The following GREM2 variants were observed in gnomAD, a reference collection of about 807,000 sequenced individuals.
The protein encoded by GREM2 is gremlin-2.
GREM2 carries 11 observed loss-of-function variants against 14.2 expected under a neutral mutation model. That is an observed-to-expected ratio of 0.78 (90% CI 0.49 to 1.28). The LOEUF (loss-of-function observed/expected upper bound fraction) is 1.28, where lower values mean the gene tolerates loss of function less well. GREM2 is among the 50% of genes most tolerant of loss of function. The pLI is 0.00. For missense variants in GREM2, 210 were observed against 218.5 expected, an observed-to-expected ratio of 0.96 and a Z score of 0.24; for synonymous variants, 98 against 97.6, an observed-to-expected ratio of 1.00 and a Z score of -0.02.
intron 1 of GREM2, among the ~76,000 whole-genome samples, chr1:240,592,549 T>C (rs905120714): frequency 6.6e-6 from 1 of 152,212 alleles, no homozygotes; most frequent in African/African-American, 2.4e-5. Context: ...CTTGACTGGA[T>C]GTTTAACACA....
chr1:240,515,780 T>C (rs958401274), intron 1 of GREM2, among the ~76,000 whole-genome samples: 4 of 152,198 alleles, frequency 2.6e-5, no homozygotes, highest in African/African-American at 9.6e-5. Flanking sequence ...ATCTTTTGTC[T>C]GAGGGAAACA....
chr1:240,560,840 C>T (rs1489028595), intron 1 of GREM2, among the ~76,000 whole-genome samples: 2 of 152,090 alleles, frequency 1.3e-5, no homozygotes, highest in African/African-American at 4.8e-5. Flanking sequence ...TCATCTGGCT[C>T]CTTATAAATA....
intron 1 of GREM2, among the ~76,000 whole-genome samples, chr1:240,525,627 C>A (rs1382101548): frequency 2.0e-4 from 31 of 151,992 alleles, no homozygotes. Flanking sequence ...TCCAGGTGTG[C>A]ACCACCACAC....
In GREM2 at chr1:240,542,636, A is replaced by T. The variant is rs1572390579; in HGVS notation, c.-1-49160T>A. On this transcript the variant is annotated intron_variant, in intron 1 of 1. Coordinates refer to ENST00000318160, the MANE Select transcript of GREM2 (RefSeq NM_022469.4). This position sits in a 1 kb window ranked among gnomAD's most constrained non-coding sequence, Gnocchi z 4.1. The stretch of plus-strand genomic sequence containing the variant: ...CTCAAAAATAAATAAATAAATAAAT[A>T]AATAAAAATTTCTAAAGAGCTGATA... 6.6e-6 allele frequency among the ~76,000 whole-genome samples: 1 copy of T among 151,796 alleles called. No individual in the cohort carries two copies. The highest frequency in any genetic ancestry group is 1.5e-5 in the Non-Finnish European group (1 of 67,968).
chr1:240,584,449 C>G (rs1257299623), intron 1 of GREM2, among the ~76,000 whole-genome samples: 3 of 132,390 alleles, frequency 2.3e-5, no homozygotes, highest in Non-Finnish European at 1.5e-5. Context: ...GAGCTGAGAT[C>G]AAGCCACTGG....
intron 1 of GREM2, among the ~76,000 whole-genome samples, chr1:240,591,338 G>A (rs1317188009): frequency 2.0e-5 from 3 of 152,172 alleles, no homozygotes; most frequent in South Asian, 2.1e-4. Context: ...CTCAATAAAC[G>A]CTTGTTGAAG....
intron 1 of GREM2, among the ~76,000 whole-genome samples, chr1:240,509,685 A>C (rs986446410): frequency 3.0e-4 from 45 of 151,784 alleles, no homozygotes; most frequent in African/African-American, 1.0e-3. Context: ...GACTCTTATG[A>C]CCTCCCTGCC....
At chr1:240,556,498 T>C (rs1678953793) in intron 1 of GREM2, among the ~76,000 whole-genome samples, 1 of 152,028 alleles carries the variant, frequency 6.6e-6, no homozygotes, top group Admixed American at 6.6e-5. Flanking sequence ...CTACCAGGCA[T>C]CAATCAGCAA....
intron 1 of GREM2, among the ~76,000 whole-genome samples, chr1:240,519,815 T>G (rs1430020145): frequency 6.6e-6 from 1 of 152,142 alleles, no homozygotes; most frequent in Non-Finnish European, 1.5e-5. Context: ...GAGCGGTGGC[T>G]CACGCCTGTA....
At chr1:240,600,204 G>T (rs560203499) in intron 1 of GREM2, among the ~76,000 whole-genome samples, 2 of 127,792 alleles carry the variant, frequency 1.6e-5, no homozygotes, top group Non-Finnish European at 3.2e-5. Flanking sequence ...TTGGGCTATC[G>T]CTTCCTTATG....
intron 1 of GREM2, among the ~76,000 whole-genome samples, chr1:240,544,730 T>C (rs1390879814): frequency 1.3e-5 from 2 of 152,188 alleles, no homozygotes; most frequent in African/African-American, 4.8e-5. Context: ...TTTCAAAATA[T>C]GTGTTTTTAG....
chr1:240,594,848 A>G (rs1679789987), intron 1 of GREM2, among the ~76,000 whole-genome samples: 1 of 152,108 alleles, frequency 6.6e-6, no homozygotes. Context: ...CACCTTGCCT[A>G]TATGGTATAG....
chr1:240,548,004 G>A (rs1220490333), intron 1 of GREM2, among the ~76,000 whole-genome samples: 1 of 151,994 alleles, frequency 6.6e-6, no homozygotes, highest in East Asian at 1.9e-4. Context: ...GCTCACACCT[G>A]TAATCCCAAC....
intron 1 of GREM2, among the ~76,000 whole-genome samples, chr1:240,513,963 T>G (rs1677893320): frequency 1.1e-5 from 1 of 91,958 alleles, no homozygotes; most frequent in Non-Finnish European, 1.9e-5. Flanking sequence ...GTTTCAGAAA[T>G]AGTCCGGTGC....
chr1:240,560,432 C>T (rs552196278), intron 1 of GREM2, among the ~76,000 whole-genome samples: 2 of 152,166 alleles, frequency 1.3e-5, no homozygotes, highest in African/African-American at 4.8e-5. Context: ...ACTGTAAGCT[C>T]CTTGAGAGAG....
chr1:240,588,473 G>C (rs1176235914), intron 1 of GREM2: 1 of 152,252 alleles, frequency 6.6e-6, no homozygotes, highest in African/African-American at 2.4e-5. Flanking sequence ...ACTTCATCCA[G>C]TCATCATATG....
intron 1 of GREM2, among the ~76,000 whole-genome samples, chr1:240,533,390 A>G (rs1224062001): frequency 6.6e-6 from 1 of 152,216 alleles, no homozygotes; most frequent in Non-Finnish European, 1.5e-5. Flanking sequence ...AAAGCACACA[A>G]GGCATGATAA....
chr1:240,597,090 A>C (rs1679833164), intron 1 of GREM2, among the ~76,000 whole-genome samples: 1 of 152,190 alleles, frequency 6.6e-6, no homozygotes, highest in South Asian at 2.1e-4. Flanking sequence ...TCCTAGGATC[A>C]TATTTTTCCA....
At position 240,493,286 on chromosome 1, in the gene GREM2, C is replaced by T. The variant is rs1190746879; in HGVS notation, c.190G>A (p.Glu64Lys). The change falls in exon 2 of 2, where the codon GAG (glutamate) becomes AAG (lysine). Residue 64 changes from glutamate to lysine, a missense_variant. By Grantham distance (56) the Glu-to-Lys change is moderately conservative. Transcript: ENST00000318160. ...ASSQEALVVT[E>K]RKYLKSDWCK... ...CAGTCACTCTTGAGGTACTTGCGCT[C>T]GGTGACCACCAGGGCCTCCTGGCTG... 6.2e-7 allele frequency: 1 copy of T among 1,613,944 alleles called. No individual in the cohort carries two copies. Among genetic ancestry groups the T allele is most frequent in the Non-Finnish European group, 8.5e-7 (1 of 1,179,922 alleles).
Sources: gnomAD v4.1 joint callset for allele counts (sites outside exome capture counted in the v4.1 genomes callset) on GRCh38, gnomAD v4.1.1 for gene constraint, Gnocchi (gnomAD v3.1) non-coding constraint, MANE v1.5 for transcripts, NCBI Gene and HGNC (gene_info 2026-07-23, HGNC 2026-07-21) for gene names.